The following ATRNL1 variants were observed in gnomAD, a reference collection of about 807,000 sequenced individuals.
The protein encoded by ATRNL1 is attractin like 1, also known as attractin-like protein 1.
Under a neutral mutation model 182.7 loss-of-function variants are expected in ATRNL1, and 95 were observed. The ratio of observed to expected loss-of-function variants is 0.52; its 90% confidence interval spans 0.44 to 0.62. The LOEUF (loss-of-function observed/expected upper bound fraction) is 0.62. ATRNL1 is among the 20% of genes least tolerant of loss of function. The pLI is 0.00. For synonymous variants in ATRNL1, 576 were observed against 568.3 expected, an observed-to-expected ratio of 1.01 and a Z score of -0.19; for missense variants, 1,471 against 1,679.5, an observed-to-expected ratio of 0.88 and a Z score of 2.17.
intron 8 of ATRNL1, among the ~76,000 whole-genome samples, chr10:115,203,242 A>C (rs1467677315): frequency 3.3e-5 from 5 of 152,130 alleles, no homozygotes; most frequent in African/African-American, 1.2e-4. Flanking sequence ...AAGTGGTAAT[A>C]CTCCACCAAC....
intron 27 of ATRNL1, among the ~76,000 whole-genome samples, chr10:115,734,640 T>A (rs985010143): frequency 2.0e-5 from 3 of 152,112 alleles, no homozygotes; most frequent in Non-Finnish European, 2.9e-5. Context: ...CTAGATCAAA[T>A]ATATTAAGCA....
intron 26 of ATRNL1, among the ~76,000 whole-genome samples, chr10:115,693,549 T>C (rs1156916748): frequency 6.6e-6 from 1 of 152,130 alleles, no homozygotes; most frequent in African/African-American, 2.4e-5. Context: ...AATGAAAAGA[T>C]ACCTTCTGAG....
intron 19 of ATRNL1, among the ~76,000 whole-genome samples, chr10:115,378,426 T>C (rs934379815): frequency 2.0e-5 from 3 of 152,196 alleles, no homozygotes; most frequent in Admixed American, 2.0e-4. Flanking sequence ...TCCTGGGGAC[T>C]CAGATGGGCT....
intron 26 of ATRNL1, among the ~76,000 whole-genome samples, chr10:115,700,596 A>T (rs1300383348): frequency 5.9e-5 from 9 of 152,072 alleles, no homozygotes. Flanking sequence ...TCTGCATATT[A>T]GACCTTTATT....
intron 9 of ATRNL1, among the ~76,000 whole-genome samples, chr10:115,237,114 T>A (rs1217817773): frequency 6.6e-6 from 1 of 152,246 alleles, no homozygotes; most frequent in Non-Finnish European, 1.5e-5. Context: ...TGTTGCATTG[T>A]ATGGAAACCA....
rs1855417472 is a variant in ATRNL1 at position 115,584,968 on chromosome 10, C to CA, written c.3795+35438dup. Reference sequence around the variant, plus strand: ...GTTGTGTCTTTGTTCTCGTTGGTTTCAAAAAACATCTTTATTTCTGCCTTC... The same window carrying CA: ...GTTGTGTCTTTGTTCTCGTTGGTTTCAAAAAAACATCTTTATTTCTGCCTTC... On this transcript the variant is annotated intron_variant, in intron 26 of 28. Coordinates refer to ENST00000355044, the MANE Select transcript of ATRNL1 (RefSeq NM_207303.4). Among the ~76,000 whole-genome samples, 3 of 147,862 alleles carry CA rather than the reference C, an allele frequency of 2.0e-5. No individual in the cohort carries two copies. In the Middle Eastern group the frequency reaches 0.01, roughly 503 times the overall value.
chr10:115,733,358 A>G (rs1947855127), intron 27 of ATRNL1, among the ~76,000 whole-genome samples: 1 of 152,214 alleles, frequency 6.6e-6, no homozygotes, highest in African/African-American at 2.4e-5. Flanking sequence ...TTTCAAAAAG[A>G]CACTGGACAT....
chr10:115,621,276 T>TATATAGAGAGAGAGAGAGAG (rs1268020830), intron 26 of ATRNL1, among the ~76,000 whole-genome samples: 14 of 47,578 alleles, frequency 2.9e-4, no homozygotes, highest in Non-Finnish European at 4.2e-4. Context: ...TATATATATA[T>TATATAGAGAGAGAGAGAGAG]AGAGAGAGAG....
chr10:115,838,673 T>C (rs1555096286), intron 27 of ATRNL1, among the ~76,000 whole-genome samples: 3 of 152,282 alleles, frequency 2.0e-5, no homozygotes, highest in Admixed American at 6.5e-5. Context: ...TCTTTAGCAT[T>C]CTGTGAAAGC....
At chr10:115,300,942 T>C (rs1554924288) in intron 16 of ATRNL1, among the ~76,000 whole-genome samples, 3 of 152,166 alleles carry the variant, frequency 2.0e-5, no homozygotes, top group African/African-American at 7.2e-5. Context: ...TTCTACTTTC[T>C]GTCTCTATGA....
At position 115,447,577 on chromosome 10, in the gene ATRNL1, A is replaced by G. The variant is rs113826692; in HGVS notation, c.3323-14364A>G. On this transcript the variant is annotated intron_variant, in intron 21 of 28. Transcript: ENST00000355044. ...CCTACAAATTGCTTTTATGTGCAAC[A>G]TATTTGAGATTTATCAATGCTAATA... Among the ~76,000 whole-genome samples, 473 of 152,002 alleles carry G rather than the reference A, an allele frequency of 3.1e-3. 4 individuals are homozygous for G. Among genetic ancestry groups the G allele is most frequent in the African/African-American group, 0.011 (455 of 41,558 alleles).
At chr10:115,559,443 T>TGTGTAC (rs200694810) in intron 26 of ATRNL1, among the ~76,000 whole-genome samples, 1 of 77,788 alleles carries the variant, frequency 1.3e-5, no homozygotes, top group Non-Finnish European at 3.2e-5. Flanking sequence ...TGTGTGTGTG[T>TGTGTAC]GCGCGCGCGC....
At chr10:115,415,140 C>A (rs1397031352) in intron 20 of ATRNL1, among the ~76,000 whole-genome samples, 1 of 151,976 alleles carries the variant, frequency 6.6e-6, no homozygotes, top group East Asian at 1.9e-4. Context: ...TGAATTTTCT[C>A]ATTTTCTATT....
intron 19 of ATRNL1, among the ~76,000 whole-genome samples, chr10:115,389,146 T>G (rs1592578631): frequency 6.6e-6 from 1 of 152,058 alleles, no homozygotes; most frequent in Non-Finnish European, 1.5e-5. Context: ...CACATATAAT[T>G]GAGATCATGT....
chr10:115,332,509 A>G (rs1225811177), intron 18 of ATRNL1, among the ~76,000 whole-genome samples: 1 of 152,200 alleles, frequency 6.6e-6, no homozygotes, highest in Non-Finnish European at 1.5e-5. Context: ...TTAATTTGTC[A>G]TGAACATTAT....
intron 21 of ATRNL1, among the ~76,000 whole-genome samples, chr10:115,454,475 C>T (rs1304030654): frequency 1.3e-5 from 2 of 151,986 alleles, no homozygotes; most frequent in Non-Finnish European, 2.9e-5. Flanking sequence ...TGCAATGAAT[C>T]TGTAGATCAC....
At chr10:115,657,328 C>A (rs141785312) in intron 26 of ATRNL1, among the ~76,000 whole-genome samples, 12 of 152,138 alleles carry the variant, frequency 7.9e-5, no homozygotes, top group Admixed American at 7.9e-4. Flanking sequence ...CAAATAGATG[C>A]TTGTTGTTTT....
At chr10:115,760,200 A>G (rs1281810954) in intron 27 of ATRNL1, among the ~76,000 whole-genome samples, 3 of 151,780 alleles carry the variant, frequency 2.0e-5, no homozygotes, top group Non-Finnish European at 4.4e-5. Context: ...CTCTTACTAA[A>G]TATATTTGTG....
chr10:115,438,764 A>C (rs1846525472), intron 21 of ATRNL1, among the ~76,000 whole-genome samples: 1 of 152,022 alleles, frequency 6.6e-6, no homozygotes, highest in South Asian at 2.1e-4. Flanking sequence ...ATATAAGACT[A>C]GGATGAGAGA....
Sources: gnomAD v4.1 joint callset for allele counts (sites outside exome capture counted in the v4.1 genomes callset) on GRCh38, gnomAD v4.1.1 for gene constraint, MANE v1.5 for transcripts, NCBI Gene and HGNC (gene_info 2026-07-23, HGNC 2026-07-21) for gene names.